Variants in EXOC6 observed in about 807,000 individuals in gnomAD.
The protein encoded by EXOC6 is SEC15-like 1.
EXOC6 carries 60 observed loss-of-function variants against 112.5 expected under a neutral mutation model. The observed-to-expected ratio is 0.53, with a 90% CI of 0.43 to 0.66. The LOEUF (loss-of-function observed/expected upper bound fraction) is 0.66, where lower values mean the gene tolerates loss of function less well. EXOC6 is among the 30% of genes least tolerant of loss of function. The pLI, the probability that EXOC6 is intolerant of heterozygous loss-of-function variation, is 0.00. For synonymous variants in EXOC6, 295 were observed against 308.0 expected, an observed-to-expected ratio of 0.96 and a Z score of 0.44; for missense variants, 855 against 957.1, an observed-to-expected ratio of 0.89 and a Z score of 1.41.
intron 18 of EXOC6, among the ~76,000 whole-genome samples, chr10:92,981,228 A>C (rs10509648): frequency 0.017 from 2,621 of 152,340 alleles, 112 homozygotes; most frequent in East Asian, 0.12. Flanking sequence ...TGACATGAAT[A>C]TAAGTAGAAT....
At chr10:93,054,484 G>A (rs1442831349) in intron 20 of EXOC6, among the ~76,000 whole-genome samples, 1 of 152,184 alleles carries the variant, frequency 6.6e-6, no homozygotes, top group Non-Finnish European at 1.5e-5. Context: ...ATATAGATTT[G>A]TCTACATATG....
chr10:92,938,534 T>G (rs1852481626), intron 12 of EXOC6, among the ~76,000 whole-genome samples: 1 of 152,132 alleles, frequency 6.6e-6, no homozygotes, highest in Non-Finnish European at 1.5e-5. Flanking sequence ...TGCTAGTATT[T>G]TATCTTCTAA....
chr10:92,872,331 C>T (rs1234653705), intron 1 of EXOC6, among the ~76,000 whole-genome samples: 1 of 151,888 alleles, frequency 6.6e-6, no homozygotes, highest in Non-Finnish European at 1.5e-5. Flanking sequence ...CTACTAATTT[C>T]TACTTTTATT....
chr10:92,879,718 T>C (rs977248058), intron 1 of EXOC6, among the ~76,000 whole-genome samples: 3 of 152,206 alleles, frequency 2.0e-5, no homozygotes, highest in Non-Finnish European at 4.4e-5. Flanking sequence ...ATGTAACTTT[T>C]ATATATTTAT....
chr10:92,964,029 A>G (rs1171175097), intron 17 of EXOC6, among the ~76,000 whole-genome samples: 2 of 151,940 alleles, frequency 1.3e-5, no homozygotes, highest in East Asian at 1.9e-4. Flanking sequence ...ACAGTAATAT[A>G]TAATGAAAAA....
intron 20 of EXOC6, among the ~76,000 whole-genome samples, chr10:93,026,169 G>C (rs528445186): frequency 2.6e-5 from 4 of 152,156 alleles, no homozygotes; most frequent in Non-Finnish European, 5.9e-5. Flanking sequence ...AGTGATTCCA[G>C]TTTTGCTGTT....
intron 6 of EXOC6, among the ~76,000 whole-genome samples, chr10:92,914,683 G>T (rs1392728252): frequency 6.6e-6 from 1 of 152,130 alleles, no homozygotes; most frequent in Non-Finnish European, 1.5e-5. Flanking sequence ...TCAAAGTCTA[G>T]GTAAGAGAGG....
At chr10:92,982,134 A>C (rs908191110) in intron 18 of EXOC6, among the ~76,000 whole-genome samples, 4 of 152,070 alleles carry the variant, frequency 2.6e-5, no homozygotes, top group African/African-American at 9.7e-5. Context: ...CCAAACAAAA[A>C]AACCAGACAT....
At chr10:93,035,154 G>C (rs1033594046) in intron 20 of EXOC6, among the ~76,000 whole-genome samples, 3 of 152,210 alleles carry the variant, frequency 2.0e-5, no homozygotes, top group African/African-American at 7.2e-5. Context: ...GGAAAGCTTA[G>C]ATTTTAAAGG....
At chr10:92,923,139 T>A (rs1851533526) in intron 8 of EXOC6, among the ~76,000 whole-genome samples, 1 of 152,188 alleles carries the variant, frequency 6.6e-6, no homozygotes, top group South Asian at 2.1e-4. Context: ...CTTCCTTGCC[T>A]AGATTAGGAC....
chr10:92,899,393 A>G (rs974544220), intron 4 of EXOC6, among the ~76,000 whole-genome samples: 5 of 152,118 alleles, frequency 3.3e-5, no homozygotes, highest in African/African-American at 7.2e-5. Flanking sequence ...GTGTGTGTGT[A>G]TATAATAAAA....
Position 92,928,370 on chromosome 10 carries a change from G to T in EXOC6, c.920G>T (p.Arg307Leu). 1.2e-6 allele frequency: 2 copies of T among 1,609,014 alleles called. No individual in the cohort carries two copies. The highest frequency in any genetic ancestry group is 2.2e-5 in the South Asian group (2 of 90,050). Residue 307 changes from arginine (R) to leucine (L), a missense_variant, in exon 9 of 22, where the codon CGA (arginine) becomes CTA (leucine). Transcript: ENST00000260762. ...GDEETFENYY[R>L]KQRKKQARLV... ...GAGGAAACATTTGAAAACTATTATC[G>T]AAAACAAAGAAAGAAACAAGCAAGA...
At chr10:92,850,019 ATTT>A (rs1847246910) in intron 1 of EXOC6, among the ~76,000 whole-genome samples, 1 of 152,220 alleles carries the variant, frequency 6.6e-6, no homozygotes, top group African/African-American at 2.4e-5. Flanking sequence ...CAACATTATT[ATTT>A]CTTTTAATAA....
intron 6 of EXOC6, among the ~76,000 whole-genome samples, chr10:92,911,931 CTGTGTGCGTGTGTG>C (rs963137531): frequency 4.5e-5 from 2 of 44,104 alleles, no homozygotes; most frequent in African/African-American, 1.6e-4. Context: ...CTCTCTCTCT[CTGTGTGCGTGTGTG>C]TGTGTGTGTG....
chr10:92,929,287 A>G (rs1339943838), intron 9 of EXOC6, among the ~76,000 whole-genome samples: 1 of 152,214 alleles, frequency 6.6e-6, no homozygotes, highest in African/African-American at 2.4e-5. Context: ...CCTTCTGAGA[A>G]TTCATAATAA....
intron 15 of EXOC6, among the ~76,000 whole-genome samples, chr10:92,953,221 G>C (rs1853517998): frequency 6.6e-6 from 1 of 152,022 alleles, no homozygotes; most frequent in Non-Finnish European, 1.5e-5. Context: ...TGGAACCACA[G>C]GTTCGCGCCA....
chr10:92,973,973 G>A, intron 17 of EXOC6, 80 bp from the exon 18 acceptor site: 3 of 1,178,070 alleles, frequency 2.5e-6, no homozygotes, highest in Admixed American at 3.1e-5. Context: ...AAAGGTAAAT[G>A]TAAAATAATA....
intron 21 of EXOC6, 122 bp downstream of exon 21, chr10:93,057,158 T>A: frequency 1.9e-6 from 1 of 521,104 alleles, no homozygotes; most frequent in South Asian, 3.8e-5. Flanking sequence ...AAGCTCACTC[T>A]AGTTTAATGA....
At chr10:92,864,355 A>C (rs571267134) in intron 1 of EXOC6, among the ~76,000 whole-genome samples, 1 of 152,342 alleles carries the variant, frequency 6.6e-6, no homozygotes, top group South Asian at 2.1e-4. Flanking sequence ...TCATTTTCCA[A>C]GTTTTGTCCT....
Sources: allele counts gnomAD v4.1 joint callset (sites outside exome capture counted in the v4.1 genomes callset), GRCh38; gene constraint gnomAD v4.1.1; transcripts MANE v1.5; gene names NCBI Gene and HGNC (gene_info 2026-07-23, HGNC 2026-07-21).